RAC1: variants seen among roughly 807,000 people sequenced by gnomAD.
RAC1 encodes the protein ras-related C3 botulinum toxin substrate 1.
Under a neutral mutation model 25.2 loss-of-function variants are expected in RAC1, and 2 were observed. The ratio of observed to expected loss-of-function variants is 0.08; its 90% CI spans 0.03 to 0.25. The LOEUF (loss-of-function observed/expected upper bound fraction) is 0.25. Among genes scored for constraint, RAC1 ranks in the 10% least tolerant of loss-of-function variants. RAC1 has a pLI of 1.00. For missense variants in RAC1, 50 were observed against 235.7 expected, an observed-to-expected ratio of 0.21 and a Z score of 5.16; for synonymous variants, 88 against 94.0, an observed-to-expected ratio of 0.94 and a Z score of 0.37.
intron 3 of RAC1, chr7:6,399,893 A>G (rs562123494): frequency 2.2e-4 from 123 of 558,754 alleles, no homozygotes; most frequent in African/African-American, 2.1e-3. Context: ...AGCTTCCAGC[A>G]TCATTCTCCC....
chr7:6,400,044 T>G, intron 3 of RAC1, 82 bp from the exon 4 acceptor site: 6 of 1,268,774 alleles, frequency 4.7e-6, no homozygotes, highest in Non-Finnish European at 6.9e-6. Context: ...AACAAGTCCT[T>G]CCCAGCAACA....
At chr7:6,387,868 CAA>C (rs2115194092) in intron 2 of RAC1, among the ~76,000 whole-genome samples, 2 of 152,276 alleles carry the variant, frequency 1.3e-5, no homozygotes, top group East Asian at 3.9e-4. Flanking sequence ...TAGTTGGACA[CAA>C]GAACTCTGAC....
At chr7:6,380,378 A>ATG (rs3838699) in intron 1 of RAC1, among the ~76,000 whole-genome samples, 54 of 151,356 alleles carry the variant, frequency 3.6e-4, no homozygotes, top group East Asian at 1.6e-3. Context: ...ATTATACATA[A>ATG]TGTGTGTGTG....
intron 3 of RAC1, 62 bp downstream of exon 3, chr7:6,392,103 TA>T: frequency 1.2e-6 from 2 of 1,606,774 alleles, no homozygotes; most frequent in Admixed American, 3.3e-5. Context: ...AGCGCTTAAT[TA>T]GTGCATGTTA....
chr7:6,384,012 C>T (rs1012509584), intron 1 of RAC1, among the ~76,000 whole-genome samples: 6 of 151,824 alleles, frequency 4.0e-5, no homozygotes, highest in African/African-American at 1.2e-4. Context: ...TCAGGCTCTT[C>T]TCGAATTCCT....
chr7:6,384,351 C>G (rs1782862461), intron 1 of RAC1, among the ~76,000 whole-genome samples: 1 of 152,224 alleles, frequency 6.6e-6, no homozygotes, highest in South Asian at 2.1e-4. Context: ...TCCTGCCACA[C>G]TGCAGTTGGA....
chr7:6,384,180 A>G (rs1782858886), intron 1 of RAC1, among the ~76,000 whole-genome samples: 1 of 152,022 alleles, frequency 6.6e-6, no homozygotes, highest in African/African-American at 2.4e-5. Context: ...TGGGTAAGCG[A>G]TGCTTGATCT....
intron 3 of RAC1, among the ~76,000 whole-genome samples, chr7:6,397,166 G>T (rs1358807694): frequency 6.7e-6 from 1 of 148,874 alleles, no homozygotes; most frequent in African/African-American, 2.5e-5. Flanking sequence ...GCGTGAACCC[G>T]GGAGGTGGAG....
chr7:6,376,524 A>T (rs1442706957), intron 1 of RAC1, among the ~76,000 whole-genome samples: 1 of 116,300 alleles, frequency 8.6e-6, no homozygotes, highest in African/African-American at 3.6e-5. Flanking sequence ...TTTTTTTGAG[A>T]CGGGGTCTCA....
At chr7:6,400,214 G>A (rs1783356827) in intron 4 of RAC1, 26 bp downstream of exon 4, 1 of 1,550,832 alleles carries the variant, frequency 6.4e-7, no homozygotes, top group Admixed American at 1.7e-5. Context: ...AAATGTGTAT[G>A]TAAGTTATAG....
At chr7:6,380,384 G>A (rs546345663) in intron 1 of RAC1, among the ~76,000 whole-genome samples, 1 of 152,040 alleles carries the variant, frequency 6.6e-6, no homozygotes. Context: ...CATAATGTGT[G>A]TGTGTGTGTG....
intron 1 of RAC1, among the ~76,000 whole-genome samples, chr7:6,385,823 GT>G (rs972790602): frequency 6.6e-6 from 1 of 152,182 alleles, no homozygotes; most frequent in African/African-American, 2.4e-5. Flanking sequence ...ATGCTGATGT[GT>G]CATTGTGACC....
chr7:6,402,290 T>C (rs766664480), intron 5 of RAC1, 26 bp from the exon 6 acceptor site: 24 of 1,586,728 alleles, frequency 1.5e-5, no homozygotes, highest in African/African-American at 2.7e-5. Flanking sequence ...CGAGTGTACA[T>C]TGCCGTGTGG....
chr7:6,402,368 A>C lies in RAC1; in HGVS notation c.501A>C (p.Thr167=). The C allele has an allele frequency of 1.2e-6, 2 of 1,612,258 alleles. No individual in the cohort carries two copies. Among genetic ancestry groups the C allele is most frequent in the Non-Finnish European group, 8.5e-7 (1 of 1,179,708 alleles). Residue 167 remains threonine, a synonymous_variant, in exon 6 of 6, where the codon ACA becomes ACC. Transcript: ENST00000348035. ...CGCTCACACAGCGAGGCCTCAAGAC[A>C]GTGTTTGACGAAGCGATCCGAGCAG... ...CSALTQRGLK[T]VFDEAIRAVL...
At chr7:6,387,174 C>T in intron 1 of RAC1, 38 bp from the exon 2 acceptor site, 1 of 1,307,126 alleles carries the variant, frequency 7.7e-7, no homozygotes, top group African/African-American at 1.5e-5. Context: ...AGATTACATT[C>T]ATGTTGACTA....
rs980630977 is a variant in RAC1, at chr7:6,386,809, AAAAAG to A, written c.36-398_36-394del. ...GTCTCAAAAAAAAAAAAAAAAGAAA[AAAAAG>A]AAAAAAAGAAAATATCTTCAGGATC... On this transcript the variant is annotated intron_variant, in intron 1 of 5. Transcript: ENST00000348035. 4.6e-5 allele frequency among the ~76,000 whole-genome samples: 7 copies of A among 151,812 alleles called. No homozygotes were observed. The South Asian group carries it at 1.0e-3, about 23-fold the overall frequency.
At chr7:6,381,906 T>C (rs1353111762) in intron 1 of RAC1, among the ~76,000 whole-genome samples, 1 of 152,078 alleles carries the variant, frequency 6.6e-6, no homozygotes, top group African/African-American at 2.4e-5. Context: ...TCGAGGACCT[T>C]CATGCGAGGT....
At chr7:6,381,373 G>T (rs987361800) in intron 1 of RAC1, among the ~76,000 whole-genome samples, 13 of 147,902 alleles carry the variant, frequency 8.8e-5, no homozygotes, top group African/African-American at 2.8e-4. Context: ...GAAGCTTCTA[G>T]TGGTAATAAT....
At chr7:6,376,652 C>T (rs189906930) in intron 1 of RAC1, among the ~76,000 whole-genome samples, 2 of 147,760 alleles carry the variant, frequency 1.4e-5, no homozygotes, top group Non-Finnish European at 3.0e-5. Context: ...CAGGCGCAAG[C>T]CACCATGCCC....
Sources: allele counts gnomAD v4.1 joint callset (sites outside exome capture counted in the v4.1 genomes callset), GRCh38; gene constraint gnomAD v4.1.1; transcripts MANE v1.5; gene names NCBI Gene and HGNC (gene_info 2026-07-23, HGNC 2026-07-21).